The following MEIKIN variants were observed in gnomAD, a reference collection of about 807,000 sequenced individuals.
MEIKIN encodes the protein meiosis-specific kinetochore protein.
chr5:131,835,108 C>T (rs376334612), intron 11 of MEIKIN, among the ~76,000 whole-genome samples: 1 of 151,782 alleles, frequency 6.6e-6, no homozygotes, highest in Non-Finnish European at 1.5e-5. Context: ...AATGGCAATT[C>T]AGGTCCTTTG....
chr5:131,847,930 T>C (rs1448955985), intron 11 of MEIKIN, among the ~76,000 whole-genome samples: 2 of 150,496 alleles, frequency 1.3e-5, no homozygotes, highest in Admixed American at 6.7e-5. Flanking sequence ...TAAACACCAA[T>C]GGGCCAAAGT....
At chr5:131,887,169 T>C (rs1209906713) in intron 8 of MEIKIN, among the ~76,000 whole-genome samples, 1 of 152,090 alleles carries the variant, frequency 6.6e-6, no homozygotes, top group Non-Finnish European at 1.5e-5. Context: ...ACTCATACTT[T>C]TTTATGGCTG....
At position 131,944,743 on chromosome 5, in the gene MEIKIN, T is replaced by A; in HGVS notation, c.210A>T (p.Leu70Phe). The change falls in exon 3 of 13, where the codon TTA becomes TTT. Residue 70 changes from leucine to phenylalanine, a missense_variant. Coordinates refer to ENST00000442687, the MANE Select transcript of MEIKIN (RefSeq NM_001303622.2). ...GCAGGCTTTTCTCTCCTGTAACTCC[T>A]AAGCGAGGGCTAACAAAGAGACAAC... ...GSGSGPFSPRLGVTGEKSLQE... is the reference protein window; with the variant it reads ...GSGSGPFSPRFGVTGEKSLQE... 2.5e-6 allele frequency: 1 copy of A among 399,118 alleles called. No homozygotes were observed. The highest frequency in any genetic ancestry group is 2.1e-5 in the African/African-American group (1 of 48,766). The allele number at this position is 399,118 out of a possible 1,614,324, so 24.7% of individuals were successfully genotyped here. A position where few individuals can be genotyped will look rare whatever the true frequency, so the allele number is the denominator to read the frequency against.
At chr5:131,817,013 C>T (rs1773115091) in intron 12 of MEIKIN, among the ~76,000 whole-genome samples, 1 of 152,144 alleles carries the variant, frequency 6.6e-6, no homozygotes, top group Non-Finnish European at 1.5e-5. Flanking sequence ...TAAAGAAAAT[C>T]TGCCCTCACC....
At chr5:131,880,397 C>A (rs1036304845) in intron 8 of MEIKIN, among the ~76,000 whole-genome samples, 1 of 111,814 alleles carries the variant, frequency 8.9e-6, no homozygotes, top group Non-Finnish European at 1.9e-5. Flanking sequence ...GCCAACGTGC[C>A]CGGCCTATTT....
chr5:131,883,131 G>A (rs187329829), intron 8 of MEIKIN, among the ~76,000 whole-genome samples: 208 of 152,226 alleles, frequency 1.4e-3, no homozygotes, highest in Admixed American at 3.9e-3. Context: ...AACAGTTTAT[G>A]CCATACTTAG....
At chr5:131,928,480 G>T (rs2149650614) in intron 5 of MEIKIN, among the ~76,000 whole-genome samples, 1 of 152,242 alleles carries the variant, frequency 6.6e-6, no homozygotes, top group South Asian at 2.1e-4. Flanking sequence ...GTTGTTAACA[G>T]TCTAAGCTGA....
intron 9 of MEIKIN, among the ~76,000 whole-genome samples, chr5:131,874,360 A>G (rs190834473): frequency 1.3e-3 from 201 of 152,378 alleles, no homozygotes; most frequent in Admixed American, 3.2e-3. Flanking sequence ...AGAGAATACT[A>G]TAAACACCTC....
intron 6 of MEIKIN, among the ~76,000 whole-genome samples, chr5:131,920,789 G>A (rs1190493053): frequency 3.3e-5 from 5 of 151,870 alleles, no homozygotes; most frequent in African/African-American, 1.2e-4. Context: ...GACCTCCTGG[G>A]CTCAAGCGAT....
At chr5:131,914,519 G>GA (rs1201973746) in intron 7 of MEIKIN, among the ~76,000 whole-genome samples, 2 of 134,434 alleles carry the variant, frequency 1.5e-5, no homozygotes, top group African/African-American at 5.5e-5. Flanking sequence ...AAAAGAAAAA[G>GA]GAAGGGAGGG....
intron 8 of MEIKIN, among the ~76,000 whole-genome samples, chr5:131,890,668 C>T (rs1750895203): frequency 6.6e-6 from 1 of 152,154 alleles, no homozygotes; most frequent in Non-Finnish European, 1.5e-5. Context: ...AAAAAACCAG[C>T]TCCTGGATTC....
chr5:131,945,376 G>T (rs1039154705), intron 1 of MEIKIN, 24 bp downstream of exon 1: 3 of 398,908 alleles, frequency 7.5e-6, no homozygotes, highest in African/African-American at 6.2e-5. Context: ...CTGAGCTTAC[G>T]GTGGGCGAGC....
chr5:131,892,477 A>C (rs903325371), intron 8 of MEIKIN, among the ~76,000 whole-genome samples: 21 of 152,008 alleles, frequency 1.4e-4, no homozygotes, highest in East Asian at 3.9e-4. Context: ...ATCTTCCATC[A>C]CTGATACCCG....
At chr5:131,856,650 CTT>C (rs1750196975) in intron 9 of MEIKIN, among the ~76,000 whole-genome samples, 1 of 152,164 alleles carries the variant, frequency 6.6e-6, no homozygotes, top group South Asian at 2.1e-4. Flanking sequence ...TGTTTGAACT[CTT>C]TATACTGTCT....
intron 4 of MEIKIN, among the ~76,000 whole-genome samples, chr5:131,937,914 T>C (rs1416131176): frequency 6.6e-6 from 1 of 152,124 alleles, no homozygotes; most frequent in African/African-American, 2.4e-5. Context: ...AACTTGGCTC[T>C]CAGTATCTCT....
chr5:131,844,192 T>A (rs1314662847), intron 11 of MEIKIN, among the ~76,000 whole-genome samples: 5 of 152,044 alleles, frequency 3.3e-5, no homozygotes, highest in African/African-American at 1.2e-4. Flanking sequence ...CACCTCCCAC[T>A]AGATCCCTCC....
rs1045185800 is a variant in MEIKIN, at chr5:131,819,590, G to A, written c.976-727C>T. 1.8e-4 allele frequency among the ~76,000 whole-genome samples: 24 copies of A among 135,424 alleles called. No individual in the cohort carries two copies. In the East Asian group the frequency reaches 4.6e-3, roughly 26 times the overall value. 88.8% of individuals were successfully genotyped at this position (135,424 alleles called of 152,430 possible). ...TGTTATTTTAAATAAAGTCTATATA[G>A]AAACTTCCTTTTTTTTTTTTTTTTC... On this transcript the variant is annotated intron_variant, in intron 11 of 12. Coordinates refer to ENST00000442687, the MANE Select transcript of MEIKIN (RefSeq NM_001303622.2).
At chr5:131,835,415 G>A (rs991275784) in intron 11 of MEIKIN, among the ~76,000 whole-genome samples, 10 of 152,148 alleles carry the variant, frequency 6.6e-5, no homozygotes, top group Admixed American at 2.6e-4. Context: ...TGCTTTTGGT[G>A]TCATATCCAA....
chr5:131,850,955 G>GAAAGA (rs1308356525), intron 11 of MEIKIN, among the ~76,000 whole-genome samples: 1 of 151,856 alleles, frequency 6.6e-6, no homozygotes, highest in East Asian at 1.9e-4. Flanking sequence ...CAAAAAAAAA[G>GAAAGA]AAAGAAAAGA....
Sources: allele counts gnomAD v4.1 joint callset (sites outside exome capture counted in the v4.1 genomes callset), GRCh38; gene constraint gnomAD v4.1.1; transcripts MANE v1.5; gene names NCBI Gene and HGNC (gene_info 2026-07-23, HGNC 2026-07-21).